LRRTM4: variants seen among roughly 807,000 people sequenced by gnomAD.
LRRTM4 encodes the protein leucine rich repeat transmembrane neuronal 4.
LRRTM4 carries 25 observed loss-of-function variants against 47.6 expected under a neutral mutation model. The ratio of observed to expected loss-of-function variants is 0.53; its 90% CI spans 0.38 to 0.73. The LOEUF (loss-of-function observed/expected upper bound fraction) is 0.73, where lower values mean the gene tolerates loss of function less well. LRRTM4 is among the 30% of genes least tolerant of loss of function. The pLI is 0.00. For missense variants in LRRTM4, 638 were observed against 713.4 expected, an observed-to-expected ratio of 0.89 and a Z score of 1.20; for synonymous variants, 311 against 269.5, an observed-to-expected ratio of 1.15 and a Z score of -1.51.
At chr2:77,058,324 A>C (rs1434621733) in intron 3 of LRRTM4, among the ~76,000 whole-genome samples, 1 of 152,168 alleles carries the variant, frequency 6.6e-6, no homozygotes, top group Admixed American at 6.6e-5. Context: ...GCCTGAGGTC[A>C]GTGTGTAACA....
chr2:76,964,491 A>T (rs540819987), intron 3 of LRRTM4, among the ~76,000 whole-genome samples: 1 of 150,832 alleles, frequency 6.6e-6, no homozygotes, highest in South Asian at 2.1e-4. Context: ...AAATTTACCA[A>T]TTGTTTTTTT....
intron 3 of LRRTM4, among the ~76,000 whole-genome samples, chr2:77,027,697 A>T (rs1678502946): frequency 6.6e-6 from 1 of 152,216 alleles, no homozygotes; most frequent in Admixed American, 6.5e-5. Context: ...AATTTCATCT[A>T]GTTAATCTTT....
At chr2:77,365,944 T>TTATA (rs1219778488) in intron 3 of LRRTM4, among the ~76,000 whole-genome samples, 1 of 148,750 alleles carries the variant, frequency 6.7e-6, no homozygotes, top group Non-Finnish European at 1.5e-5. Context: ...TTTTCCTACA[T>TTATA]TATATATATA....
At chr2:77,225,683 A>AC (rs1345558046) in intron 3 of LRRTM4, among the ~76,000 whole-genome samples, 2 of 152,128 alleles carry the variant, frequency 1.3e-5, no homozygotes, top group African/African-American at 2.4e-5. Context: ...TTATTTGCCT[A>AC]CACCTATATA....
chr2:76,848,054 A>G (rs1671888373), intron 3 of LRRTM4, among the ~76,000 whole-genome samples: 1 of 152,102 alleles, frequency 6.6e-6, no homozygotes, highest in African/African-American at 2.4e-5. Context: ...TTTTCCATCC[A>G]GAGAGCTCAT....
intron 3 of LRRTM4, among the ~76,000 whole-genome samples, chr2:76,844,062 C>T (rs910702054): frequency 1.5e-4 from 23 of 151,742 alleles, no homozygotes; most frequent in African/African-American, 2.7e-4. Flanking sequence ...CCAGCAAGCC[C>T]GGCTAATTTT....
chr2:77,348,558 A>G (rs1227627172), intron 3 of LRRTM4, among the ~76,000 whole-genome samples: 1 of 150,362 alleles, frequency 6.7e-6, no homozygotes, highest in East Asian at 2.0e-4. Flanking sequence ...TTACAAATAT[A>G]CAAAGTTAAA....
intron 3 of LRRTM4, among the ~76,000 whole-genome samples, chr2:77,463,684 T>C (rs10194606): frequency 4.9e-4 from 75 of 152,178 alleles, no homozygotes; most frequent in African/African-American, 1.8e-3. Flanking sequence ...CTTGTTACAT[T>C]CCTCCTAGTT....
intron 3 of LRRTM4, among the ~76,000 whole-genome samples, chr2:76,931,789 C>T (rs1328219284): frequency 2.0e-5 from 3 of 152,094 alleles, no homozygotes; most frequent in Non-Finnish European, 4.4e-5. Context: ...TATTTTGCTA[C>T]CAACCATACC....
At chr2:77,337,169 T>C (rs933553942) in intron 3 of LRRTM4, among the ~76,000 whole-genome samples, 2 of 151,722 alleles carry the variant, frequency 1.3e-5, no homozygotes, top group Admixed American at 1.3e-4. Context: ...ACCAAGGAGG[T>C]GAAAGTTATC....
intron 3 of LRRTM4, among the ~76,000 whole-genome samples, chr2:77,453,173 T>C (rs1252341545): frequency 6.7e-6 from 1 of 148,684 alleles, no homozygotes; most frequent in Admixed American, 6.7e-5. Context: ...CTGTTTCTTC[T>C]TGATTTTTTT....
At chr2:76,857,399 A>T (rs1672185824) in intron 3 of LRRTM4, among the ~76,000 whole-genome samples, 1 of 150,994 alleles carries the variant, frequency 6.6e-6, no homozygotes, top group African/African-American at 2.4e-5. Flanking sequence ...TGAGATATAG[A>T]AGATACAAAT....
chr2:77,135,228 G>A (rs1384535975), intron 3 of LRRTM4, among the ~76,000 whole-genome samples: 1 of 152,196 alleles, frequency 6.6e-6, no homozygotes, highest in Admixed American at 6.5e-5. Context: ...AGGTTGAATA[G>A]CATTAAATGA....
chr2:76,946,653 A>G (rs904461158), intron 3 of LRRTM4, among the ~76,000 whole-genome samples: 6 of 151,986 alleles, frequency 3.9e-5, no homozygotes, highest in African/African-American at 7.2e-5. Flanking sequence ...AATTGAAGGA[A>G]TAAGTAAAAC....
At chr2:77,299,667 C>G (rs1320778695) in intron 3 of LRRTM4, among the ~76,000 whole-genome samples, 1 of 151,954 alleles carries the variant, frequency 6.6e-6, no homozygotes, top group Non-Finnish European at 1.5e-5. Flanking sequence ...AAAACTGTTG[C>G]ATTCTCTATT....
At chr2:77,178,931 T>A (rs1388580703) in intron 3 of LRRTM4, among the ~76,000 whole-genome samples, 1 of 152,240 alleles carries the variant, frequency 6.6e-6, no homozygotes, top group East Asian at 1.9e-4. Flanking sequence ...AACTTTTTTA[T>A]AGCCTCTCAA....
intron 3 of LRRTM4, among the ~76,000 whole-genome samples, chr2:77,080,834 G>A (rs1048622367): frequency 1.6e-4 from 25 of 151,934 alleles, no homozygotes; most frequent in African/African-American, 5.6e-4. Context: ...TGTGCTTAGC[G>A]CCCAGTTATT....
intron 3 of LRRTM4, among the ~76,000 whole-genome samples, chr2:76,873,533 T>TATATGTATATATATATAC (rs1174673622): frequency 1.4e-5 from 2 of 145,190 alleles, no homozygotes; most frequent in Admixed American, 6.9e-5. Flanking sequence ...TATATATATA[T>TATATGTATATATATATAC]ACAACATAGT....
intron 3 of LRRTM4, among the ~76,000 whole-genome samples, chr2:76,960,257 T>A (rs1675809311): frequency 6.6e-6 from 1 of 151,694 alleles, no homozygotes; most frequent in Admixed American, 6.6e-5. Flanking sequence ...CAGCTAGTTA[T>A]AACAATGCTA....
Sources: gnomAD v4.1 joint callset for allele counts (sites outside exome capture counted in the v4.1 genomes callset) on GRCh38, gnomAD v4.1.1 for gene constraint, MANE v1.5 for transcripts, NCBI Gene and HGNC (gene_info 2026-07-23, HGNC 2026-07-21) for gene names.